The following ANO10 variants were observed in gnomAD, a reference collection of about 807,000 sequenced individuals.
ANO10 encodes the protein anoctamin 10, also known as anoctamin-10.
In ANO10, 77 loss-of-function variants were observed where a neutral mutation model predicts 74.7. The ratio of observed to expected loss-of-function variants is 1.03; its 90% CI spans 0.86 to 1.25. The LOEUF (loss-of-function observed/expected upper bound fraction) is 1.25. ANO10 is among the 50% of genes most tolerant of loss of function. The pLI, the probability that ANO10 is intolerant of heterozygous loss-of-function variation, is 0.00. For missense variants in ANO10, 721 were observed against 778.1 expected (o/e 0.93, Z 0.87); for synonymous variants, 279 against 284.9 (o/e 0.98, Z 0.21).
intron 12 of ANO10, among the ~76,000 whole-genome samples, chr3:43,404,034 G>A (rs2092531015): frequency 6.6e-6 from 1 of 152,166 alleles, no homozygotes; most frequent in African/African-American, 2.4e-5. Flanking sequence ...TATGTTATAT[G>A]ACAAGGGTGA....
intron 12 of ANO10, among the ~76,000 whole-genome samples, chr3:43,407,796 T>C (rs2092602349): frequency 6.6e-6 from 1 of 151,986 alleles, no homozygotes; most frequent in South Asian, 2.1e-4. Flanking sequence ...ACCAGCAGGG[T>C]GAAGAGAATG....
intron 1 of ANO10, among the ~76,000 whole-genome samples, chr3:43,649,057 C>T (rs2083758457): frequency 6.6e-6 from 1 of 152,142 alleles, no homozygotes; most frequent in Admixed American, 6.5e-5. Flanking sequence ...CTATCTCATC[C>T]TGTGATTTAG....
chr3:43,619,296 T>A (rs532351580), intron 1 of ANO10, among the ~76,000 whole-genome samples: 1 of 152,316 alleles, frequency 6.6e-6, no homozygotes, highest in South Asian at 2.1e-4. Context: ...GCTAAGGACA[T>A]ATGACGACTA....
At chr3:43,649,619 C>T (rs1442459691) in intron 1 of ANO10, among the ~76,000 whole-genome samples, 1 of 152,182 alleles carries the variant, frequency 6.6e-6, no homozygotes, top group Non-Finnish European at 1.5e-5. Flanking sequence ...GATCACAGCA[C>T]ACTCAAGATT....
chr3:43,655,530 A>C (rs2083839430), intron 1 of ANO10, among the ~76,000 whole-genome samples: 1 of 152,180 alleles, frequency 6.6e-6, no homozygotes, highest in Admixed American at 6.5e-5. Flanking sequence ...GCCTGCTTTT[A>C]TTCTCTTATG....
chr3:43,503,138 A>G (rs546092031), intron 11 of ANO10, among the ~76,000 whole-genome samples: 2 of 152,332 alleles, frequency 1.3e-5, no homozygotes, highest in South Asian at 4.1e-4. Context: ...AAAAAATGCA[A>G]ACTAAGGGAG....
At chr3:43,675,905 T>C (rs191066836) in intron 1 of ANO10, among the ~76,000 whole-genome samples, 2 of 152,304 alleles carry the variant, frequency 1.3e-5, no homozygotes, top group East Asian at 3.9e-4. Context: ...GACCCAGCAA[T>C]TGTACTCTTT....
intron 12 of ANO10, among the ~76,000 whole-genome samples, chr3:43,394,029 C>G (rs115052506): frequency 0.011 from 1,721 of 152,300 alleles, 17 homozygotes; most frequent in African/African-American, 0.026. Flanking sequence ...TGAACACTCA[C>G]AGGGTATCAT....
intron 11 of ANO10, among the ~76,000 whole-genome samples, chr3:43,456,081 A>C (rs111494938): frequency 7.0e-4 from 107 of 152,224 alleles, no homozygotes; most frequent in African/African-American, 2.2e-3. Flanking sequence ...ACATTTGCCT[A>C]CTCCTCAAAT....
chr3:43,463,370 G>C (rs766262953), intron 11 of ANO10, among the ~76,000 whole-genome samples: 6 of 152,158 alleles, frequency 3.9e-5, no homozygotes, highest in Non-Finnish European at 5.9e-5. Flanking sequence ...AAAATAGCTT[G>C]TGGATTGAAA....
chr3:43,407,594 C>G (rs957541063), intron 12 of ANO10, among the ~76,000 whole-genome samples: 6 of 152,170 alleles, frequency 3.9e-5, no homozygotes, highest in African/African-American at 1.4e-4. Context: ...AATGATGTCA[C>G]TTTTTAGTGC....
chr3:43,501,020 G>C (rs985260708), intron 11 of ANO10, among the ~76,000 whole-genome samples: 3 of 152,188 alleles, frequency 2.0e-5, no homozygotes, highest in Admixed American at 6.5e-5. Flanking sequence ...GTTGTATTCT[G>C]AAACAGAAGA....
intron 5 of ANO10, among the ~76,000 whole-genome samples, chr3:43,578,592 A>G (rs1308301931): frequency 6.6e-6 from 1 of 152,122 alleles, no homozygotes; most frequent in African/African-American, 2.4e-5. Flanking sequence ...TCTACCAAAA[A>G]TACAAAAATT....
At chr3:43,481,777 A>T (rs2076277449) in intron 11 of ANO10, among the ~76,000 whole-genome samples, 1 of 152,138 alleles carries the variant, frequency 6.6e-6, no homozygotes, top group South Asian at 2.1e-4. Context: ...CCAGTCAGAA[A>T]ATCTTTTAAT....
At chr3:43,584,976 T>C (rs1401395130) in intron 4 of ANO10, among the ~76,000 whole-genome samples, 1 of 152,144 alleles carries the variant, frequency 6.6e-6, no homozygotes, top group African/African-American at 2.4e-5. Context: ...AGCAGCTGCC[T>C]TCAAGTAAGA....
chr3:43,439,265 A>G (rs2148960212), intron 11 of ANO10, among the ~76,000 whole-genome samples: 1 of 151,878 alleles, frequency 6.6e-6, no homozygotes, highest in Middle Eastern at 3.4e-3. Flanking sequence ...ACTCCCAACC[A>G]AGAATTGTAT....
In ANO10 at chr3:43,574,802, T is replaced by A; in HGVS notation, c.1218+7A>T. The A allele has an allele frequency of 6.2e-7, 1 of 1,611,600 alleles. No homozygotes were observed. The highest frequency in any genetic ancestry group is 1.7e-4 in the Middle Eastern group (1 of 6,050). On this transcript the variant is annotated splice_region_variant and intron_variant, in intron 7 of 12. Coordinates refer to ENST00000292246, the MANE Select transcript of ANO10 (RefSeq NM_018075.5). ...AAAATGGATTTGTACATAAACGCTG[T>A]ACTTACCACTAAAACTTTCAGAATT...
intron 2 of ANO10, among the ~76,000 whole-genome samples, chr3:43,604,963 A>T (rs1306313800): frequency 6.6e-6 from 1 of 151,988 alleles, no homozygotes; most frequent in African/African-American, 2.4e-5. Flanking sequence ...GTTTATAGTA[A>T]CAGTTTTTTT....
chr3:43,480,282 G>A (rs1047874729), intron 11 of ANO10, among the ~76,000 whole-genome samples: 5 of 152,176 alleles, frequency 3.3e-5, no homozygotes, highest in Admixed American at 3.3e-4. Flanking sequence ...ATAGAACATG[G>A]AGAAAAGATA....
Sources: gnomAD v4.1 joint callset for allele counts (sites outside exome capture counted in the v4.1 genomes callset) on GRCh38, gnomAD v4.1.1 for gene constraint, MANE v1.5 for transcripts, NCBI Gene and HGNC (gene_info 2026-07-23, HGNC 2026-07-21) for gene names.